Variants in ZNF385B observed in about 807,000 individuals in gnomAD.
ZNF385B encodes the protein zinc finger protein 533.
Under a neutral mutation model 39.2 loss-of-function variants are expected in ZNF385B, and 23 were observed. The ratio of observed to expected loss-of-function variants is 0.59; its 90% CI spans 0.42 to 0.83. The LOEUF (loss-of-function observed/expected upper bound fraction) is 0.83, where lower values mean the gene tolerates loss of function less well. Ranked by LOEUF, ZNF385B falls within the 40% of genes least tolerant of loss-of-function variation. The probability of loss-of-function intolerance (pLI) is 0.00; values close to 1 mark genes in which losing one functional copy is unlikely to be tolerated. For missense variants in ZNF385B, 552 were observed against 598.9 expected, an observed-to-expected ratio of 0.92 and a Z score of 0.82; for synonymous variants, 205 against 222.6, an observed-to-expected ratio of 0.92 and a Z score of 0.70.
At chr2:179,541,308 C>T (rs2059905799) in intron 4 of ZNF385B, among the ~76,000 whole-genome samples, 1 of 152,160 alleles carries the variant, frequency 6.6e-6, no homozygotes, top group Non-Finnish European at 1.5e-5. Context: ...CATATTTCTT[C>T]ATCAGGTACA....
At chr2:179,453,675 A>T (rs781776207) in intron 6 of ZNF385B, among the ~76,000 whole-genome samples, 6 of 152,184 alleles carry the variant, frequency 3.9e-5, no homozygotes, top group Non-Finnish European at 8.8e-5. Context: ...AACAAAGTTG[A>T]GTAAGATTTC....
In ZNF385B at chr2:179,446,540, C is replaced by T. The variant is rs372557519; in HGVS notation, c.946G>A (p.Glu316Lys). The T allele has an allele frequency of 1.9e-5, 30 of 1,613,788 alleles. No individual in the cohort carries two copies. Among genetic ancestry groups the T allele is most frequent in the African/African-American group, 1.6e-4 (12 of 74,912 alleles). Residue 316 changes from glutamate (E) to lysine (K), a missense_variant, in exon 7 of 10, where the codon GAG (glutamate) becomes AAG (lysine). Glu to Lys is a moderately conservative substitution (Grantham distance 56, BLOSUM62 1). Transcript: ENST00000410066. ...AGCTGCTAACCTGTGTTGTGTGCCT[C>T]TAGCTGTGACAGGGAGTTCACAGCC... ...KVAVNSLSQL[E>K]AHNTGSKHKT...
intron 3 of ZNF385B, among the ~76,000 whole-genome samples, chr2:179,553,348 A>G (rs1202805510): frequency 6.7e-6 from 1 of 149,116 alleles, no homozygotes; most frequent in East Asian, 1.9e-4. Context: ...AATACTTATG[A>G]GGGACTAACA....
chr2:179,836,559 C>A (rs1238191737), intron 1 of ZNF385B, among the ~76,000 whole-genome samples: 2 of 141,216 alleles, frequency 1.4e-5, no homozygotes, highest in African/African-American at 5.3e-5. Context: ...TCGCCCAGGC[C>A]AGACTGCGGA....
At chr2:179,527,111 G>C (rs1226513018) in intron 4 of ZNF385B, among the ~76,000 whole-genome samples, 4 of 152,156 alleles carry the variant, frequency 2.6e-5, no homozygotes, top group Non-Finnish European at 5.9e-5. Context: ...AATGTTGCAG[G>C]CTTTTAAGTA....
intron 3 of ZNF385B, among the ~76,000 whole-genome samples, chr2:179,582,080 T>G (rs1448274109): frequency 1.3e-5 from 2 of 152,148 alleles, no homozygotes; most frequent in African/African-American, 2.4e-5. Context: ...AATTTAGGCT[T>G]AGAGAGATTT....
chr2:179,598,610 T>C (rs768230412), intron 3 of ZNF385B, among the ~76,000 whole-genome samples: 6 of 152,082 alleles, frequency 3.9e-5, no homozygotes, highest in Non-Finnish European at 8.8e-5. Context: ...AAATAAAACC[T>C]CTATGTATGA....
Position 179,769,564 on chromosome 2 carries a change from C to T in ZNF385B, c.237G>A (p.Gln79=). The T allele has an allele frequency of 6.2e-7, 1 of 1,614,180 alleles. No homozygotes were observed. The highest frequency in any genetic ancestry group is 8.5e-7 in the Non-Finnish European group (1 of 1,180,018). Residue 79 remains glutamine (Q), a synonymous_variant, in exon 3 of 10, where the codon CAG becomes CAA. Transcript: ENST00000410066. ...GTGGTGGGGGCTGCCCATCACTCAG[C>T]TGCTTCACTCGTTTGCGGTGGGATT... ...NGKSHRKRVK[Q]LSDGQPPPPA...
chr2:179,798,644 C>A (rs993532775), intron 1 of ZNF385B, among the ~76,000 whole-genome samples: 6 of 148,890 alleles, frequency 4.0e-5, no homozygotes, highest in Non-Finnish European at 8.8e-5. Context: ...ACCCCAATAA[C>A]ACACTCACTG....
In ZNF385B at chr2:179,581,807, G is replaced by C. The variant is rs537338009; in HGVS notation, c.299-36838C>G. Among the ~76,000 whole-genome samples the C allele has an allele frequency of 7.2e-5, 11 of 152,288 alleles. No homozygotes were observed. In the South Asian group the frequency reaches 2.3e-3, roughly 32 times the overall value. Reference sequence around the variant, plus strand: ...ACTTCCAGGTCATGCCCTTAGAAAGGTGTGTTTCCTCCTTTTTTCCTTCCT... The same window carrying C: ...ACTTCCAGGTCATGCCCTTAGAAAGCTGTGTTTCCTCCTTTTTTCCTTCCT... On this transcript the variant is annotated intron_variant, in intron 3 of 9. Coordinates refer to ENST00000410066, the MANE Select transcript of ZNF385B (RefSeq NM_152520.6).
chr2:179,447,144 C>G (rs2049583759), intron 6 of ZNF385B, among the ~76,000 whole-genome samples: 1 of 152,106 alleles, frequency 6.6e-6, no homozygotes, highest in African/African-American at 2.4e-5. Context: ...ATGAAAGAAG[C>G]CATTAGGCCA....
chr2:179,748,860 C>A (rs2106465109), intron 3 of ZNF385B, among the ~76,000 whole-genome samples: 1 of 152,172 alleles, frequency 6.6e-6, no homozygotes, highest in East Asian at 1.9e-4. Context: ...CTTCAAAGAG[C>A]ATTTCCTGGG....
intron 5 of ZNF385B, among the ~76,000 whole-genome samples, chr2:179,506,972 C>T (rs1022887139): frequency 1.3e-5 from 2 of 152,100 alleles, no homozygotes; most frequent in African/African-American, 4.8e-5. Flanking sequence ...AGAGCCTTAA[C>T]AGGGTCATAT....
intron 3 of ZNF385B, among the ~76,000 whole-genome samples, chr2:179,572,435 G>A (rs1452277150): frequency 2.6e-5 from 4 of 152,082 alleles, no homozygotes; most frequent in Non-Finnish European, 5.9e-5. Flanking sequence ...CAAAGGCTGG[G>A]TGGGAAAAGA....
chr2:179,831,223 G>T (rs932267438), intron 1 of ZNF385B, among the ~76,000 whole-genome samples: 1 of 152,094 alleles, frequency 6.6e-6, no homozygotes, highest in African/African-American at 2.4e-5. Flanking sequence ...TAGTTACTAT[G>T]CATTTACAAA....
At chr2:179,680,791 TAGTA>T (rs1038175060) in intron 3 of ZNF385B, among the ~76,000 whole-genome samples, 8 of 152,178 alleles carry the variant, frequency 5.3e-5, no homozygotes, top group Admixed American at 5.2e-4. Flanking sequence ...TTATTAAAAG[TAGTA>T]AGTAATATTA....
chr2:179,733,086 G>A (rs1313018383), intron 3 of ZNF385B, among the ~76,000 whole-genome samples: 2 of 152,196 alleles, frequency 1.3e-5, no homozygotes, highest in African/African-American at 2.4e-5. Flanking sequence ...TTCTTGCAGA[G>A]TTATTTCCAG....
intron 3 of ZNF385B, among the ~76,000 whole-genome samples, chr2:179,555,177 A>C (rs1284375432): frequency 6.7e-6 from 1 of 149,918 alleles, no homozygotes. Context: ...ACATTCTTAC[A>C]TGCAACAACC....
intron 1 of ZNF385B, among the ~76,000 whole-genome samples, chr2:179,785,719 T>A (rs540209795): frequency 6.6e-6 from 1 of 152,116 alleles, no homozygotes; most frequent in Non-Finnish European, 1.5e-5. Flanking sequence ...TAACAAAATT[T>A]TAATGAATGA....
Sources: gnomAD v4.1 joint callset for allele counts (sites outside exome capture counted in the v4.1 genomes callset) on GRCh38, gnomAD v4.1.1 for gene constraint, MANE v1.5 for transcripts, NCBI Gene and HGNC (gene_info 2026-07-23, HGNC 2026-07-21) for gene names.